The following BZW2 variants were observed in gnomAD, a reference collection of about 807,000 sequenced individuals.
The protein encoded by BZW2 is basic leucine zipper and W2 domains 2, also known as eIF5-mimic protein 1.
A neutral mutation model predicts 53.2 loss-of-function variants in BZW2; 23 were observed. The ratio of observed to expected loss-of-function variants is 0.43; its 90% CI spans 0.31 to 0.61. BZW2 has a LOEUF of 0.61. BZW2 is among the 20% of genes least tolerant of loss of function. The pLI, the probability that BZW2 is intolerant of heterozygous loss-of-function variation, is 0.09. For missense variants in BZW2, 409 were observed against 503.1 expected, an observed-to-expected ratio of 0.81 and a Z score of 1.79; for synonymous variants, 227 against 186.4, an observed-to-expected ratio of 1.22 and a Z score of -1.77.
intron 3 of BZW2, among the ~76,000 whole-genome samples, chr7:16,680,692 A>G (rs1782917367): frequency 6.6e-6 from 1 of 152,160 alleles, no homozygotes; most frequent in Non-Finnish European, 1.5e-5. Context: ...CTGTGGTCCT[A>G]GCTACTTGGG....
At chr7:16,669,728 G>T (rs1164380323) in intron 2 of BZW2, among the ~76,000 whole-genome samples, 1 of 152,122 alleles carries the variant, frequency 6.6e-6, no homozygotes, top group Non-Finnish European at 1.5e-5. Flanking sequence ...ACGCATATTT[G>T]AGTGTCAGAA....
intron 2 of BZW2, 79 bp from the exon 3 acceptor site, chr7:16,674,333 A>G: frequency 8.8e-7 from 1 of 1,132,580 alleles, no homozygotes. Flanking sequence ...CTTAGATAAA[A>G]TAGAATTAAA....
chr7:16,666,347 G>C (rs1471125270), intron 2 of BZW2, among the ~76,000 whole-genome samples: 7 of 152,040 alleles, frequency 4.6e-5, no homozygotes, highest in Non-Finnish European at 8.8e-5. Flanking sequence ...AAAGTGCTGA[G>C]ATTGTGGATG....
intron 1 of BZW2, chr7:16,661,367 A>G (rs544345236): frequency 2.6e-4 from 40 of 152,224 alleles, no homozygotes; most frequent in African/African-American, 9.4e-4. Context: ...TGGGCTGGGT[A>G]ACTGGAAGGA....
Position 16,681,291 on chromosome 7 carries a change from C to T in BZW2, c.236-10C>T. On this transcript the variant is annotated splice_polypyrimidine_tract_variant and intron_variant, in intron 3 of 11. Transcript: ENST00000258761. The stretch of plus-strand genomic sequence containing the variant: ...TATTATCCTAATTACAATTACCTTT[C>T]TCTTTTTAGCCCCTGGAGGAACGCG... 1 of 1,607,266 alleles carries T rather than the reference C, an allele frequency of 6.2e-7. No homozygotes were observed. The highest frequency in any genetic ancestry group is 1.3e-5 in the African/African-American group (1 of 74,830).
Position 16,674,532 on chromosome 7 carries a change from A to G in BZW2, c.179A>G (p.Asp60Gly). 6.2e-7 allele frequency: 1 copy of G among 1,612,300 alleles called. No homozygotes were observed. Among genetic ancestry groups the G allele is most frequent in the South Asian group, 1.1e-5 (1 of 90,792 alleles). Residue 60 changes from aspartate (D) to glycine (G), a missense_variant, in exon 3 of 12, where the codon GAT (aspartate) becomes GGT (glycine). Transcript: ENST00000258761. ...CTGGACTCTACAGGCTCAAGATTAGATTATCGTCGCTATGCAGACACACTC... is the reference window on the plus strand; with the variant it reads ...CTGGACTCTACAGGCTCAAGATTAGGTTATCGTCGCTATGCAGACACACTC... Reference protein sequence around the residue: ...KFLDSTGSRLDYRRYADTLFD... With the variant: ...KFLDSTGSRLGYRRYADTLFD...
chr7:16,675,518 G>T (rs995761567), intron 3 of BZW2, among the ~76,000 whole-genome samples: 4 of 152,164 alleles, frequency 2.6e-5, no homozygotes, highest in Admixed American at 2.0e-4. Flanking sequence ...TCTTGAGGTG[G>T]AACTGCCCGT....
chr7:16,702,767 CA>C (rs1404936295), intron 10 of BZW2, among the ~76,000 whole-genome samples: 2 of 152,020 alleles, frequency 1.3e-5, no homozygotes, highest in African/African-American at 2.4e-5. Context: ...AGAAAAAAAA[CA>C]ATTCTCCTTT....
intron 11 of BZW2, among the ~76,000 whole-genome samples, chr7:16,705,459 G>A (rs1021479089): frequency 3.3e-5 from 5 of 152,142 alleles, no homozygotes; most frequent in Admixed American, 1.3e-4. Flanking sequence ...GCCAAGGCGG[G>A]CAGATCATGA....
At chr7:16,690,611 G>C (rs1182332570) in intron 7 of BZW2, among the ~76,000 whole-genome samples, 1 of 152,172 alleles carries the variant, frequency 6.6e-6, no homozygotes, top group Non-Finnish European at 1.5e-5. Flanking sequence ...CAGTCAGACT[G>C]TGCTAATCTC....
chr7:16,670,969 A>T (rs1264386340), intron 2 of BZW2, among the ~76,000 whole-genome samples: 1 of 152,136 alleles, frequency 6.6e-6, no homozygotes, highest in Non-Finnish European at 1.5e-5. Flanking sequence ...TGCTTATGTG[A>T]CTAGTGTTAA....
At position 16,674,600 on chromosome 7, in the gene BZW2, A is replaced by G. The variant is rs1333132911; in HGVS notation, c.235+12A>G. 24 of 1,552,874 alleles carry G rather than the reference A, an allele frequency of 1.5e-5. No individual in the cohort carries two copies. The highest frequency in any genetic ancestry group is 2.1e-5 in the Non-Finnish European group (24 of 1,149,128). On this transcript the variant is annotated intron_variant, in intron 3 of 11. Coordinates refer to ENST00000258761, the MANE Select transcript of BZW2 (RefSeq NM_014038.3). ...TGGCAGTATGCTTGGTAAACCATGC[A>G]TTATCGCTTCTTGTAGTATATTTAT... is the stretch of plus-strand genomic sequence containing the variant.
At chr7:16,680,333 T>C (rs1202881563) in intron 3 of BZW2, among the ~76,000 whole-genome samples, 1 of 152,154 alleles carries the variant, frequency 6.6e-6, no homozygotes, top group Non-Finnish European at 1.5e-5. Flanking sequence ...TTACTGAATA[T>C]TTACTGAAAA....
chr7:16,695,136 C>A, intron 8 of BZW2, 132 bp downstream of exon 8: 1 of 804,720 alleles, frequency 1.2e-6, no homozygotes, highest in Non-Finnish European at 1.7e-6. Context: ...TTATTCCTAC[C>A]ATTTAAATTA....
At chr7:16,649,088 G>GC (rs921388904) in intron 1 of BZW2, among the ~76,000 whole-genome samples, 7 of 151,736 alleles carry the variant, frequency 4.6e-5, no homozygotes, top group Non-Finnish European at 8.8e-5. Context: ...CTCTTTTACC[G>GC]CCCCCCTAAA....
At chr7:16,683,159 G>C (rs1783006231) in intron 5 of BZW2, among the ~76,000 whole-genome samples, 1 of 152,098 alleles carries the variant, frequency 6.6e-6, no homozygotes, top group Admixed American at 6.5e-5. Flanking sequence ...TCACTCCACT[G>C]CACTCCAGCC....
At position 16,706,264 on chromosome 7, in the gene BZW2, C is replaced by T; in HGVS notation, c.*176C>T. On this transcript the variant is annotated 3_prime_UTR_variant, in exon 12 of 12. Transcript: ENST00000258761. ...GTTTTTGTTTTGTTTTTAAATGGAG[C>T]CCTGAGGCATCAGCTATTATACTTG... The T allele has an allele frequency of 1.5e-6, 1 of 646,782 alleles. No homozygotes were observed. Among genetic ancestry groups the T allele is most frequent in the Non-Finnish European group, 2.6e-6 (1 of 384,212 alleles). 40.1% of individuals were successfully genotyped at this position (646,782 alleles called of 1,614,324 possible).
intron 1 of BZW2, among the ~76,000 whole-genome samples, chr7:16,649,876 A>G (rs1037230133): frequency 6.6e-6 from 1 of 152,206 alleles, no homozygotes; most frequent in African/African-American, 2.4e-5. Flanking sequence ...AAAATTGACT[A>G]TGTTAACAGT....
At chr7:16,697,459 T>C (rs1019970238) in intron 9 of BZW2, among the ~76,000 whole-genome samples, 2 of 152,186 alleles carry the variant, frequency 1.3e-5, no homozygotes, top group South Asian at 4.1e-4. Context: ...AGACTAAACA[T>C]ATACTTCCTA....
Sources: allele counts gnomAD v4.1 joint callset (sites outside exome capture counted in the v4.1 genomes callset), GRCh38; gene constraint gnomAD v4.1.1; transcripts MANE v1.5; gene names NCBI Gene and HGNC (gene_info 2026-07-23, HGNC 2026-07-21).